XYLT1: variants seen among roughly 807,000 people sequenced by gnomAD.
The protein encoded by XYLT1 is xylosyltransferase 1.
Under a neutral mutation model 91.3 loss-of-function variants are expected in XYLT1, and 36 were observed. The observed-to-expected ratio is 0.39, with a 90% CI of 0.30 to 0.52. The LOEUF (loss-of-function observed/expected upper bound fraction) is 0.52, where lower values mean the gene tolerates loss of function less well. Ranked by LOEUF, XYLT1 falls within the 20% of genes least tolerant of loss-of-function variation. XYLT1 has a pLI of 0.68. For missense variants in XYLT1, 1,242 were observed against 1,284.5 expected (o/e 0.97, Z 0.51); for synonymous variants, 588 against 532.0 (o/e 1.11, Z -1.45).
At chr16:17,455,509 G>A (rs962526443) in intron 1 of XYLT1, among the ~76,000 whole-genome samples, 6 of 152,054 alleles carry the variant, frequency 3.9e-5, no homozygotes, top group Non-Finnish European at 8.8e-5. Context: ...CCAGCACTCT[G>A]GGAGGCCTAG....
At chr16:17,333,260 C>G (rs934933844) in intron 2 of XYLT1, among the ~76,000 whole-genome samples, 1 of 152,094 alleles carries the variant, frequency 6.6e-6, no homozygotes, top group Admixed American at 6.6e-5. Flanking sequence ...TTTGATTTAA[C>G]CAAATACATC....
At chr16:17,398,108 A>G (rs1181513981) in intron 1 of XYLT1, among the ~76,000 whole-genome samples, 2 of 152,068 alleles carry the variant, frequency 1.3e-5, no homozygotes, top group African/African-American at 4.8e-5. Context: ...CAGACCTTGG[A>G]TCCACGGAGG....
chr16:17,429,021 G>C (rs975770742), intron 1 of XYLT1, among the ~76,000 whole-genome samples: 1 of 152,172 alleles, frequency 6.6e-6, no homozygotes. Context: ...AAAAGACTCA[G>C]GGACCTCAAA....
chr16:17,147,856 G>A (rs1232388792), intron 6 of XYLT1, among the ~76,000 whole-genome samples: 1 of 152,164 alleles, frequency 6.6e-6, no homozygotes, highest in African/African-American at 2.4e-5. Flanking sequence ...ATAAAATATG[G>A]CTCACCAACA....
intron 2 of XYLT1, among the ~76,000 whole-genome samples, chr16:17,290,781 G>A (rs2034211046): frequency 1.3e-5 from 2 of 152,218 alleles, no homozygotes; most frequent in African/African-American, 4.8e-5. Flanking sequence ...TGACTTCAGG[G>A]CCTATCTGAA....
At chr16:17,230,378 C>T (rs1027943284) in intron 3 of XYLT1, among the ~76,000 whole-genome samples, 6 of 152,174 alleles carry the variant, frequency 3.9e-5, no homozygotes, top group African/African-American at 7.2e-5. Context: ...TGCCTGTCCA[C>T]TATGCTGGCC....
At chr16:17,196,545 G>T (rs918184612) in intron 5 of XYLT1, among the ~76,000 whole-genome samples, 3 of 152,170 alleles carry the variant, frequency 2.0e-5, no homozygotes, top group Non-Finnish European at 4.4e-5. Flanking sequence ...CCACGTGGGA[G>T]TTCATTACAC....
intron 3 of XYLT1, among the ~76,000 whole-genome samples, chr16:17,205,862 G>C (rs978693446): frequency 5.9e-5 from 9 of 152,172 alleles, no homozygotes. Flanking sequence ...TTTATACTCT[G>C]AAAGGGCTGC....
intron 10 of XYLT1, among the ~76,000 whole-genome samples, chr16:17,120,935 T>C (rs1031843467): frequency 6.6e-6 from 1 of 152,258 alleles, no homozygotes; most frequent in Non-Finnish European, 1.5e-5. Flanking sequence ...GTCACATTAA[T>C]CTGTCAACTC....
At chr16:17,163,001 T>C (rs1436614247) in intron 5 of XYLT1, among the ~76,000 whole-genome samples, 3 of 152,226 alleles carry the variant, frequency 2.0e-5, no homozygotes, top group Admixed American at 1.3e-4. Flanking sequence ...ACTTGGCATA[T>C]AGTAATCCCC....
intron 3 of XYLT1, among the ~76,000 whole-genome samples, chr16:17,215,156 G>A (rs1285371202): frequency 6.6e-6 from 1 of 152,144 alleles, no homozygotes; most frequent in Non-Finnish European, 1.5e-5. Context: ...AGGAGTTGAA[G>A]ACCAGCCTGG....
intron 1 of XYLT1, among the ~76,000 whole-genome samples, chr16:17,406,521 G>A (rs2036035026): frequency 6.6e-6 from 1 of 152,230 alleles, no homozygotes; most frequent in African/African-American, 2.4e-5. Flanking sequence ...ACAGCCAGAG[G>A]AGTCCTGCCT....
At chr16:17,265,773 T>C (rs1045848425) in intron 2 of XYLT1, among the ~76,000 whole-genome samples, 1 of 151,914 alleles carries the variant, frequency 6.6e-6, no homozygotes, top group African/African-American at 2.4e-5. Flanking sequence ...GTTCTCTTGG[T>C]TCAGGATGAA....
intron 2 of XYLT1, among the ~76,000 whole-genome samples, chr16:17,325,150 C>T (rs916299891): frequency 2.0e-5 from 3 of 152,154 alleles, no homozygotes; most frequent in African/African-American, 4.8e-5. Context: ...GTAATCCCAG[C>T]ACTTTGGGAG....
chr16:17,109,714 A>G lies in XYLT1; in HGVS notation c.2558-697T>C, dbSNP rs1966828001. ...TACCAGAGCTGAGTATTTGAGACAGACTGTATTTTACCCAACAAGCTGAAA... is the reference window on the plus strand; with the variant it reads ...TACCAGAGCTGAGTATTTGAGACAGGCTGTATTTTACCCAACAAGCTGAAA... On this transcript the variant is annotated intron_variant, in intron 11 of 11. Transcript: ENST00000261381. 2.6e-5 allele frequency among the ~76,000 whole-genome samples: 4 copies of G among 152,158 alleles called. No individual in the cohort carries two copies. The South Asian group carries it at 8.3e-4, about 32-fold the overall frequency.
chr16:17,328,106 G>A (rs1259333046), intron 2 of XYLT1, among the ~76,000 whole-genome samples: 2 of 152,144 alleles, frequency 1.3e-5, no homozygotes, highest in Non-Finnish European at 2.9e-5. Flanking sequence ...GAGCTCGGCT[G>A]TACAGAACAG....
At chr16:17,463,382 AAGT>A (rs778912623) in intron 1 of XYLT1, among the ~76,000 whole-genome samples, 69 of 152,376 alleles carry the variant, frequency 4.5e-4, no homozygotes, top group African/African-American at 1.6e-3. Context: ...GCAAAAAAAC[AAGT>A]AGTCCAATTT....
intron 6 of XYLT1, among the ~76,000 whole-genome samples, chr16:17,158,429 C>T (rs1055830066): frequency 4.5e-4 from 69 of 152,298 alleles, no homozygotes; most frequent in African/African-American, 1.6e-3. Flanking sequence ...GGCACACGCC[C>T]ATGCTTGTTA....
chr16:17,306,359 G>A (rs2034470679), intron 2 of XYLT1, among the ~76,000 whole-genome samples: 1 of 152,074 alleles, frequency 6.6e-6, no homozygotes, highest in East Asian at 1.9e-4. Context: ...AAGCCTTAAG[G>A]TCAGCCAGGC....
Sources: allele counts gnomAD v4.1 joint callset (sites outside exome capture counted in the v4.1 genomes callset), GRCh38; gene constraint gnomAD v4.1.1; transcripts MANE v1.5; gene names NCBI Gene and HGNC (gene_info 2026-07-23, HGNC 2026-07-21).